CHAMP1: variants seen among roughly 807,000 people sequenced by gnomAD.
The protein encoded by CHAMP1 is chromosome alignment-maintaining phosphoprotein 1.
CHAMP1 carries 4 observed loss-of-function variants against 54.5 expected under a neutral mutation model. The ratio of observed to expected loss-of-function variants is 0.07; its 90% CI spans 0.04 to 0.17. CHAMP1 has a LOEUF of 0.17. CHAMP1 is among the 10% of genes least tolerant of loss of function. The pLI, the probability that CHAMP1 is intolerant of heterozygous loss-of-function variation, is 1.00. For missense variants in CHAMP1, 994 were observed against 968.6 expected, an observed-to-expected ratio of 1.03 and a Z score of -0.35; for synonymous variants, 368 against 342.2, an observed-to-expected ratio of 1.08 and a Z score of -0.83.
At chr13:114,320,916 A>G (rs2087159875) in intron 1 of CHAMP1, among the ~76,000 whole-genome samples, 194 bp from the exon 2 acceptor site, 1 of 151,356 alleles carries the variant, frequency 6.6e-6, no homozygotes, top group Admixed American at 6.6e-5. Flanking sequence ...AGATCGCGCC[A>G]CTGCACTCCA....
intron 1 of CHAMP1, among the ~76,000 whole-genome samples, chr13:114,320,706 C>T (rs2087155801): frequency 1.3e-5 from 2 of 152,090 alleles, no homozygotes; most frequent in Admixed American, 1.3e-4. Context: ...CCTGTAATCC[C>T]AGCACTTTGG....
chr13:114,316,309 G>C (rs1594865324), intron 1 of CHAMP1, among the ~76,000 whole-genome samples: 3 of 151,386 alleles, frequency 2.0e-5, no homozygotes, highest in Non-Finnish European at 4.4e-5. Context: ...GATTACAGGC[G>C]CCTGCCACCA....
chr13:114,320,393 C>G (rs1228287889), intron 1 of CHAMP1, among the ~76,000 whole-genome samples: 5 of 152,148 alleles, frequency 3.3e-5, no homozygotes, highest in African/African-American at 1.2e-4. Context: ...TCTTGGTCCT[C>G]TTTGTTGTGG....
Position 114,326,282 on chromosome 13 carries a change from T to C in CHAMP1, c.*1T>C. The C allele has an allele frequency of 1.9e-6, 3 of 1,558,962 alleles. No homozygotes were observed. Among genetic ancestry groups the C allele is most frequent in the Non-Finnish European group, 2.6e-6 (3 of 1,156,270 alleles). ...GCCACTGGAGGAGCAGCAAATTTGA[T>C]AACACAGTGTGAATATTTGTTCTAC... On this transcript the variant is annotated 3_prime_UTR_variant, in exon 3 of 3. Coordinates refer to ENST00000361283, the MANE Select transcript of CHAMP1 (RefSeq NM_032436.4).
chr13:114,314,895 A>G (rs2087076329), intron 1 of CHAMP1, among the ~76,000 whole-genome samples: 1 of 152,216 alleles, frequency 6.6e-6, no homozygotes, highest in Admixed American at 6.5e-5. Context: ...ATTGCGTTTG[A>G]AACCATTGGG....
intron 1 of CHAMP1, among the ~76,000 whole-genome samples, chr13:114,315,758 A>G (rs1594864987): frequency 6.6e-6 from 1 of 151,976 alleles, no homozygotes; most frequent in East Asian, 1.9e-4. Context: ...GGAAGTGGAT[A>G]GTGGTGATGT....
chr13:114,325,573 G>A lies in CHAMP1; in HGVS notation c.1731G>A (p.Glu577=), dbSNP rs2087238166. 3 of 1,614,186 alleles carry A rather than the reference G, an allele frequency of 1.9e-6. No individual in the cohort carries two copies. Among genetic ancestry groups the A allele is most frequent in the African/African-American group, 1.3e-5 (1 of 75,034 alleles). The change falls in exon 3 of 3, where the codon GAG becomes GAA. Residue 577 remains glutamate (E), a synonymous_variant. Transcript: ENST00000361283. ...ALFSESQKAV[E]LGDELQIDAI... ...TCTCAGAATCACAGAAGGCTGTTGA[G>A]CTTGGTGATGAACTACAAATAGATG... is the stretch of plus-strand genomic sequence containing the variant.
chr13:114,314,549 C>A lies in CHAMP1; in HGVS notation c.-273C>A, dbSNP rs994309592. 2 of 151,758 alleles carry A rather than the reference C, an allele frequency of 1.3e-5. No homozygotes were observed. The highest frequency in any genetic ancestry group is 4.8e-5 in the African/African-American group (2 of 41,358). 9.4% of individuals were successfully genotyped at this position (151,758 alleles called of 1,614,324 possible). On this transcript the variant is annotated 5_prime_UTR_variant, in exon 1 of 3. Transcript: ENST00000361283. ...TGCATCCAGTCGCCATTCGGGAGGC[C>A]GCTGCGCTGCAGGGCCTCGCGGAGC...
Position 114,324,584 on chromosome 13 carries a change from C to A in CHAMP1, c.742C>A (p.Pro248Thr), listed in dbSNP as rs1555379526. ...ACCTTCAGCCTCATCTCCAGAGTCA[C>A]CAGTTCTAGCTGCTTCCCCAGAACC... The part of the protein sequence containing the change: ...GPPSASSPES[P>T]VLAASPEPWG... Residue 248 changes from proline (P) to threonine (T), a missense_variant, in exon 3 of 3, where the codon CCA becomes ACA. Physicochemically the swap from Pro to Thr is conservative, Grantham distance 38 (BLOSUM62 -1). Coordinates refer to ENST00000361283, the MANE Select transcript of CHAMP1 (RefSeq NM_032436.4). 6.2e-7 allele frequency: 1 copy of A among 1,614,168 alleles called. No individual in the cohort carries two copies. Among genetic ancestry groups the A allele is most frequent in the East Asian group, 2.2e-5 (1 of 44,878 alleles).
In CHAMP1 at chr13:114,318,857, C is replaced by CT. The variant is rs56669844; in HGVS notation, c.-178-2224dup. 1.4e-3 allele frequency among the ~76,000 whole-genome samples: 35 copies of CT among 24,192 alleles called. 6 individuals carry two copies. Among genetic ancestry groups the CT allele is most frequent in the Non-Finnish European group, 2.0e-3 (27 of 13,284 alleles). The allele number at this position is 24,192 out of a possible 152,430, so 15.9% of individuals were successfully genotyped here. A position where few individuals can be genotyped will look rare whatever the true frequency, so the allele number is the denominator to read the frequency against. On this transcript the variant is annotated intron_variant, in intron 1 of 2. Coordinates refer to ENST00000361283, the MANE Select transcript of CHAMP1 (RefSeq NM_032436.4). Reference sequence around the variant, plus strand: ...AAGGGCCATCTGCCATCCTGGTTGCCTTTTTTTTTTTTTTTTTTTTTTTTT... The same window carrying CT: ...AAGGGCCATCTGCCATCCTGGTTGCCTTTTTTTTTTTTTTTTTTTTTTTTTT...
At position 114,320,718 on chromosome 13, in the gene CHAMP1, A is replaced by C. The variant is rs559398373; in HGVS notation, c.-178-392A>C. ...ACACCTGTAATCCCAGCACTTTGGG[A>C]GGCCGAGGCGGGCGGATCACGAGGT... On this transcript the variant is annotated intron_variant, in intron 1 of 2. Transcript: ENST00000361283. Among the ~76,000 whole-genome samples the C allele has an allele frequency of 4.7e-3, 714 of 152,200 alleles. 7 individuals carry two copies. Among genetic ancestry groups the C allele is most frequent in the Admixed American group, 8.2e-3 (125 of 15,288 alleles).
rs1471274493 is a variant in CHAMP1, at chr13:114,323,976, A to T, written c.134A>T (p.Asp45Val). The change falls in exon 3 of 3, where the codon GAT (aspartate) becomes GTT (valine). Residue 45 changes from aspartate (D) to valine (V), a missense_variant. Physicochemically the swap from Asp to Val is radical, Grantham distance 152. Transcript: ENST00000361283. ...CATCCAGAATTTTGTGATGAAATGG[A>T]TGCTGGTGGGCTAGGCAAAATGATA... is the stretch of plus-strand genomic sequence containing the variant. Reference protein sequence around the residue: ...TIHPEFCDEMDAGGLGKMIFY... With the variant: ...TIHPEFCDEMVAGGLGKMIFY... 2 of 1,614,088 alleles carry T rather than the reference A, an allele frequency of 1.2e-6. No individual in the cohort carries two copies. The highest frequency in any genetic ancestry group is 1.7e-6 in the Non-Finnish European group (2 of 1,180,040).
At chr13:114,319,563 A>C (rs1337669626) in intron 1 of CHAMP1, among the ~76,000 whole-genome samples, 1 of 152,242 alleles carries the variant, frequency 6.6e-6, no homozygotes, top group African/African-American at 2.4e-5. Context: ...CAGTTGACTC[A>C]TGAATAACAG....
chr13:114,315,715 G>T (rs772889949), intron 1 of CHAMP1, among the ~76,000 whole-genome samples: 6 of 152,160 alleles, frequency 3.9e-5, no homozygotes, highest in Admixed American at 2.6e-4. Context: ...TGTTTCATGG[G>T]TACAGAATTT....
In CHAMP1 at chr13:114,325,858, C is replaced by T. The variant is rs548006337; in HGVS notation, c.2016C>T (p.Asp672=). Residue 672 remains aspartate, a synonymous_variant, in exon 3 of 3, where the codon GAC becomes GAT. Transcript: ENST00000361283. ...SIDFSKENKM[D]MTSPEQSRNV... ...ATTTTAGCAAAGAGAACAAAATGGACATGACTAGTCCAGAGCAGTCTAGAA... is the reference window on the plus strand; with the variant it reads ...ATTTTAGCAAAGAGAACAAAATGGATATGACTAGTCCAGAGCAGTCTAGAA... 2 of 1,614,124 alleles carry T rather than the reference C, an allele frequency of 1.2e-6. No individual in the cohort carries two copies. The highest frequency in any genetic ancestry group is 1.7e-6 in the Non-Finnish European group (2 of 1,180,016).
At position 114,324,289 on chromosome 13, in the gene CHAMP1, T is replaced by C; in HGVS notation, c.447T>C (p.Thr149=). 1 of 1,613,848 alleles carries C rather than the reference T, an allele frequency of 6.2e-7. No individual in the cohort carries two copies. The highest frequency in any genetic ancestry group is 2.2e-5 in the East Asian group (1 of 44,888). ...TGTCTCCAGAATCGCCAAAACCTAC[T>C]CCTCTTACTCCCCTGGAGCCTCAGA... ...SVLSPESPKP[T]PLTPLEPQKP... is the part of the protein sequence containing the mutation. The change falls in exon 3 of 3, where the codon ACT becomes ACC. Residue 149 remains threonine (T), a synonymous_variant. Transcript: ENST00000361283.
Position 114,324,571 on chromosome 13 carries a change from A to G in CHAMP1, c.729A>G (p.Ser243=). The part of the protein sequence containing the change: ...FPETLGPPSA[S]SPESPVLAAS... ...AAACATTGGGGCCACCTTCAGCCTC[A>G]TCTCCAGAGTCACCAGTTCTAGCTG... Residue 243 remains serine, a synonymous_variant, in exon 3 of 3, where the codon TCA becomes TCG. Coordinates refer to ENST00000361283, the MANE Select transcript of CHAMP1 (RefSeq NM_032436.4). 6.2e-7 allele frequency: 1 copy of G among 1,614,006 alleles called. No individual in the cohort carries two copies. Among genetic ancestry groups the G allele is most frequent in the Non-Finnish European group, 8.5e-7 (1 of 1,179,966 alleles).
Position 114,324,723 on chromosome 13 carries a change from C to T in CHAMP1, c.881C>T (p.Pro294Leu). ...TCTCCTGAACCTTGGAAGCCGTTCC[C>T]TGCTGTCTCCCCAGAGCCTAGGAGA... is the stretch of plus-strand genomic sequence containing the variant. ...SESPEPWKPF[P>L]AVSPEPRRPA... Residue 294 changes from proline (P) to leucine (L), a missense_variant, in exon 3 of 3, where the codon CCT becomes CTT. Physicochemically the swap from Pro to Leu is moderately conservative, Grantham distance 98. Around this residue, in one of 3 missense-constraint regions of CHAMP1, gnomAD observed 851 missense variants for 701.3 expected, o/e 1.21. Transcript: ENST00000361283. 4 of 1,613,880 alleles carry T rather than the reference C, an allele frequency of 2.5e-6. No individual in the cohort carries two copies. The highest frequency in any genetic ancestry group is 3.4e-6 in the Non-Finnish European group (4 of 1,179,844).
At chr13:114,315,305 G>C (rs761393966) in intron 1 of CHAMP1, among the ~76,000 whole-genome samples, 2 of 152,120 alleles carry the variant, frequency 1.3e-5, no homozygotes, top group South Asian at 4.1e-4. Context: ...ATTGAAGCTC[G>C]GGTGCATTGC....
Sources: gnomAD v4.1 joint callset for allele counts (sites outside exome capture counted in the v4.1 genomes callset) on GRCh38, gnomAD v4.1.1 for gene constraint, gnomAD v4.1.1 regional missense constraint, MANE v1.5 for transcripts, NCBI Gene and HGNC (gene_info 2026-07-23, HGNC 2026-07-21) for gene names.